Variants in SLF2 observed in about 807,000 individuals in gnomAD.
SLF2 encodes the protein SMC5/6 complex localization factor 2, also known as SMC5-SMC6 complex localization factor protein 2.
Under a neutral mutation model 124.3 loss-of-function variants are expected in SLF2, and 68 were observed. The observed-to-expected ratio is 0.55, with a 90% CI of 0.45 to 0.67. The LOEUF (loss-of-function observed/expected upper bound fraction) is 0.67, where lower values mean the gene tolerates loss of function less well. Among genes scored for constraint, SLF2 ranks in the 30% least tolerant of loss-of-function variants. The pLI is 0.00. For missense variants in SLF2, 1,246 were observed against 1,373.7 expected (o/e 0.91, Z 1.47); for synonymous variants, 480 against 478.8 (o/e 1.00, Z -0.03).
At chr10:100,949,714 G>C (rs1383004729) in intron 15 of SLF2, among the ~76,000 whole-genome samples, 1 of 151,836 alleles carries the variant, frequency 6.6e-6, no homozygotes, top group Non-Finnish European at 1.5e-5. Context: ...TCGTGCCTCA[G>C]CCTCCCGAGT....
In SLF2 at chr10:100,963,131, T is replaced by C. The variant is rs1850454027; in HGVS notation, c.*1219T>C. ...CAGTATTGGCTTGAGTGACCTGTTC[T>C]CCTGAGTGCTCTAGTGTCTCCAGTT... On this transcript the variant is annotated 3_prime_UTR_variant, in exon 20 of 20. Transcript: ENST00000238961. The C allele has an allele frequency of 6.6e-6, 1 of 152,540 alleles. No homozygotes were observed. Among genetic ancestry groups the C allele is most frequent in the African/African-American group, 2.4e-5 (1 of 41,426 alleles). The allele number at this position is 152,540 out of a possible 1,614,324, so 9.4% of individuals were successfully genotyped here. A position where few individuals can be genotyped will look rare whatever the true frequency, so the allele number is the denominator to read the frequency against.
chr10:100,922,072 C>T (rs1253427016), intron 4 of SLF2, among the ~76,000 whole-genome samples: 3 of 152,024 alleles, frequency 2.0e-5, no homozygotes, highest in Admixed American at 6.6e-5. Context: ...TTGGTTTTGG[C>T]GGGTTTATTT....
chr10:100,952,176 G>C (rs1269757982), intron 17 of SLF2, among the ~76,000 whole-genome samples: 1 of 152,028 alleles, frequency 6.6e-6, no homozygotes, highest in African/African-American at 2.4e-5. Context: ...CCCAGGAGGC[G>C]GAGGTTGCAG....
chr10:100,922,057 C>G (rs1048167313), intron 4 of SLF2, among the ~76,000 whole-genome samples: 22 of 152,218 alleles, frequency 1.4e-4, no homozygotes, highest in African/African-American at 4.8e-4. Context: ...AATTGCCTCT[C>G]AAGTTTGGTT....
At chr10:100,918,604 C>G (rs1849465817) in intron 4 of SLF2, among the ~76,000 whole-genome samples, 163 bp downstream of exon 4, 1 of 152,056 alleles carries the variant, frequency 6.6e-6, no homozygotes, top group Non-Finnish European at 1.5e-5. Context: ...AAAGACTAGT[C>G]CCTGAATCTA....
At chr10:100,938,272 G>A (rs914841953) in intron 10 of SLF2, among the ~76,000 whole-genome samples, 3 of 152,214 alleles carry the variant, frequency 2.0e-5, no homozygotes, top group Non-Finnish European at 4.4e-5. Context: ...AGGCAATGAA[G>A]ATGATAAAAA....
intron 18 of SLF2, among the ~76,000 whole-genome samples, chr10:100,958,460 A>G (rs1850371563): frequency 6.6e-6 from 1 of 152,210 alleles, no homozygotes; most frequent in Non-Finnish European, 1.5e-5. Flanking sequence ...AGAACTTGGT[A>G]GTGGCTACTA....
chr10:100,935,978 C>T (rs927929371), intron 9 of SLF2, among the ~76,000 whole-genome samples: 3 of 150,488 alleles, frequency 2.0e-5, no homozygotes, highest in African/African-American at 7.3e-5. Context: ...CCCCCCTCAG[C>T]CCCCCAAGTA....
rs1210544497 is a variant in SLF2 at position 100,915,882 on chromosome 10, T to G, written c.141-117T>G. On this transcript the variant is annotated intron_variant, in intron 1 of 19. Transcript: ENST00000238961. ...AAGCATTGTTACCATTGTCAGAACT[T>G]TATTAAACCAAATAGTGAAATCCAG... The G allele has an allele frequency of 4.9e-6, 4 of 810,402 alleles. No individual in the cohort carries two copies. In the African/African-American group the frequency reaches 6.9e-5, roughly 14 times the overall value. 50.2% of individuals were successfully genotyped at this position (810,402 alleles called of 1,614,324 possible).
intron 9 of SLF2, among the ~76,000 whole-genome samples, chr10:100,932,011 A>T (rs961644108): frequency 6.6e-6 from 1 of 151,994 alleles, no homozygotes; most frequent in African/African-American, 2.4e-5. Flanking sequence ...AAAGACATTT[A>T]TATGGGAGGG....
chr10:100,956,549 C>CT lies in SLF2; in HGVS notation c.3417+15dup. The CT allele has an allele frequency of 1.3e-6, 2 of 1,548,672 alleles. No homozygotes were observed. The highest frequency in any genetic ancestry group is 2.8e-5 in the African/African-American group (2 of 71,330). ...TTTACAGAACTAAGGTAAGTGTGTTCTTTCTTTTTTTCTTTTTTTTTTTCT... is the reference window on the plus strand; with the variant it reads ...TTTACAGAACTAAGGTAAGTGTGTTCTTTTCTTTTTTTCTTTTTTTTTTTCT... On this transcript the variant is annotated intron_variant, in intron 18 of 19. Coordinates refer to ENST00000238961, the MANE Select transcript of SLF2 (RefSeq NM_018121.4).
intron 10 of SLF2, 23 bp downstream of exon 10, chr10:100,937,500 AT>A: frequency 7.3e-7 from 1 of 1,368,846 alleles, no homozygotes; most frequent in Non-Finnish European, 1.0e-6. Context: ...ACTTATTAAG[AT>A]TTACCGTGTG....
At position 100,916,022 on chromosome 10, in the gene SLF2, TC is replaced by T. The variant is rs1176521347; in HGVS notation, c.165del (p.Phe55LeufsTer58). ...GDRKQSIIDF[F>X]KPASKQDRHM... ...AGGAAGCAGTCAATTATAGATTTCT[TC>T]AAACCAGCTTCAAAACAAGGTATGT... On this transcript the variant is annotated frameshift_variant, in exon 2 of 20. Transcript: ENST00000238961. LOFTEE classifies it high-confidence loss of function. The T allele has an allele frequency of 3.7e-6, 6 of 1,612,166 alleles. No homozygotes were observed. The highest frequency in any genetic ancestry group is 5.1e-6 in the Non-Finnish European group (6 of 1,178,962).
intron 12 of SLF2, 130 bp from the exon 13 acceptor site, chr10:100,945,200 C>T (rs1850079810): frequency 2.9e-6 from 2 of 692,248 alleles, no homozygotes; most frequent in South Asian, 4.6e-5. Context: ...CTTCTTTTCT[C>T]TAGACATCGG....
chr10:100,936,426 C>G (rs553704637), intron 9 of SLF2, among the ~76,000 whole-genome samples: 1 of 152,008 alleles, frequency 6.6e-6, no homozygotes, highest in Admixed American at 6.6e-5. Context: ...CTCTGCCTCC[C>G]GGGTTCACAC....
intron 13 of SLF2, among the ~76,000 whole-genome samples, chr10:100,946,312 T>C (rs1850102211): frequency 6.6e-6 from 1 of 150,458 alleles, no homozygotes; most frequent in African/African-American, 2.4e-5. Context: ...ATACATATTT[T>C]GGGGGTGTTA....
chr10:100,918,761 C>T (rs1430816874), intron 4 of SLF2, among the ~76,000 whole-genome samples: 4 of 152,058 alleles, frequency 2.6e-5, no homozygotes, highest in African/African-American at 9.7e-5. Flanking sequence ...GTAGCTGGGA[C>T]TACAGATGTG....
intron 15 of SLF2, 46 bp downstream of exon 15, chr10:100,947,893 G>C (rs1179836045): frequency 6.9e-7 from 1 of 1,457,620 alleles, no homozygotes; most frequent in Admixed American, 1.7e-5. Flanking sequence ...GAGAGGTAAT[G>C]AGAGGTGTAA....
At position 100,924,245 on chromosome 10, in the gene SLF2, C is replaced by G. The variant is rs759366393; in HGVS notation, c.1244C>G (p.Ser415Cys). 1 of 1,614,122 alleles carries G rather than the reference C, an allele frequency of 6.2e-7. No homozygotes were observed. The highest frequency in any genetic ancestry group is 8.5e-7 in the Non-Finnish European group (1 of 1,180,028). Reference sequence around the variant, plus strand: ...TTGGCACCTTCAAATTCTGGCAATTCTGGCCACCATTCTACCAGGAATAGT... The same window carrying G: ...TTGGCACCTTCAAATTCTGGCAATTGTGGCCACCATTCTACCAGGAATAGT... ...AGLAPSNSGN[S>C]GHHSTRNSDQ... is the part of the protein sequence containing the mutation. The change falls in exon 5 of 20, where the codon TCT becomes TGT. Residue 415 changes from serine to cysteine, a missense_variant. Around this residue, in one of 3 missense-constraint regions of SLF2, gnomAD observed 698 missense variants for 708.9 expected, o/e 0.98. Transcript: ENST00000238961.
Sources: allele counts gnomAD v4.1 joint callset (sites outside exome capture counted in the v4.1 genomes callset), GRCh38; gene constraint gnomAD v4.1.1; regional missense constraint gnomAD v4.1.1; transcripts MANE v1.5; gene names NCBI Gene and HGNC (gene_info 2026-07-23, HGNC 2026-07-21).